ARIH1: variants seen among roughly 807,000 people sequenced by gnomAD.
ARIH1 encodes E3 ubiquitin-protein ligase ARIH1.
Under a neutral mutation model 85.0 loss-of-function variants are expected in ARIH1, and 8 were observed. The ratio of observed to expected loss-of-function variants is 0.09; its 90% CI spans 0.06 to 0.17. The LOEUF (loss-of-function observed/expected upper bound fraction) is 0.17. Among genes scored for constraint, ARIH1 ranks in the 10% least tolerant of loss-of-function variants. ARIH1 has a pLI of 1.00. For missense variants in ARIH1, 311 were observed against 718.1 expected (o/e 0.43, Z 6.48); for synonymous variants, 238 against 253.6 (o/e 0.94, Z 0.59).
At chr15:72,565,046 AGACCC>A (rs1490781709) in intron 7 of ARIH1, among the ~76,000 whole-genome samples, 7 of 152,068 alleles carry the variant, frequency 4.6e-5, no homozygotes, top group Admixed American at 2.6e-4. Flanking sequence ...AAGGGGCTCT[AGACCC>A]AGCAAATAGA....
chr15:72,570,047 T>C, intron 9 of ARIH1, 130 bp from the exon 10 acceptor site: 8 of 994,542 alleles, frequency 8.0e-6, no homozygotes, highest in Non-Finnish European at 1.0e-5. Context: ...CTGTTCTAAG[T>C]GCTTTATATG....
At chr15:72,555,433 G>T (rs771214192) in intron 4 of ARIH1, 70 bp downstream of exon 4, 36 of 1,124,556 alleles carry the variant, frequency 3.2e-5, no homozygotes, top group Non-Finnish European at 4.6e-5. Flanking sequence ...GCACAAATTT[G>T]CACAAATAAA....
rs1184696085 is a variant in ARIH1, at chr15:72,590,742, C to T, written c.*7450C>T. ...GGACTATAGGTGCATGCCACCATGC[C>T]CAGCTGACAATGGCTTTATATACAT... On this transcript the variant is annotated 3_prime_UTR_variant, in exon 14 of 14. Transcript: ENST00000379887. 1 of 152,122 alleles carries T rather than the reference C, an allele frequency of 6.6e-6. No individual in the cohort carries two copies. Among genetic ancestry groups the T allele is most frequent in the Non-Finnish European group, 1.5e-5 (1 of 68,058 alleles). 9.4% of individuals were successfully genotyped at this position (152,122 alleles called of 1,614,324 possible).
chr15:72,479,701 C>A (rs1358647735), intron 1 of ARIH1, among the ~76,000 whole-genome samples: 1 of 151,962 alleles, frequency 6.6e-6, no homozygotes, highest in African/African-American at 2.4e-5. Context: ...CCACCGTGCC[C>A]AGCCAAATAA....
chr15:72,529,604 A>C (rs1214163047), intron 2 of ARIH1, among the ~76,000 whole-genome samples: 1 of 152,216 alleles, frequency 6.6e-6, no homozygotes, highest in East Asian at 1.9e-4. Context: ...CCACCATGGT[A>C]CGTAGAGATA....
At chr15:72,524,728 A>G (rs944977393) in intron 2 of ARIH1, among the ~76,000 whole-genome samples, 8 of 152,244 alleles carry the variant, frequency 5.3e-5, no homozygotes, top group Non-Finnish European at 1.2e-4. Context: ...ATTATCTCCA[A>G]ACATTGAAAA....
chr15:72,580,588 C>T, intron 11 of ARIH1, 143 bp from the exon 12 acceptor site: 1 of 771,842 alleles, frequency 1.3e-6, no homozygotes, highest in Non-Finnish European at 2.0e-6. Flanking sequence ...TTATCTTTGC[C>T]AAGACTTATC....
At chr15:72,490,770 A>G (rs1451052348) in intron 1 of ARIH1, among the ~76,000 whole-genome samples, 1 of 152,122 alleles carries the variant, frequency 6.6e-6, no homozygotes, top group Non-Finnish European at 1.5e-5. Context: ...TAGGAAACTT[A>G]AAAGGAACCT....
At chr15:72,537,685 A>G (rs2064088812) in intron 2 of ARIH1, among the ~76,000 whole-genome samples, 1 of 152,202 alleles carries the variant, frequency 6.6e-6, no homozygotes, top group East Asian at 1.9e-4. Flanking sequence ...AAATTACATC[A>G]TTAACAGGTT....
chr15:72,573,184 A>G (rs1364091770), intron 11 of ARIH1, among the ~76,000 whole-genome samples: 1 of 152,246 alleles, frequency 6.6e-6, no homozygotes, highest in Non-Finnish European at 1.5e-5. Flanking sequence ...TAATAAAAAT[A>G]TCATATATAG....
chr15:72,557,375 G>C (rs1016251350), intron 5 of ARIH1, among the ~76,000 whole-genome samples: 3 of 152,024 alleles, frequency 2.0e-5, no homozygotes, highest in Admixed American at 2.0e-4. Flanking sequence ...TGACAAAGCA[G>C]CCTGCTCATT....
chr15:72,577,168 A>G (rs539840056), intron 11 of ARIH1, among the ~76,000 whole-genome samples: 126 of 151,682 alleles, frequency 8.3e-4, no homozygotes, highest in African/African-American at 2.9e-3. Flanking sequence ...TATTTTTAGT[A>G]GAGACGGGAT....
chr15:72,535,784 A>T (rs1289169515), intron 2 of ARIH1, among the ~76,000 whole-genome samples: 2 of 150,166 alleles, frequency 1.3e-5, no homozygotes, highest in African/African-American at 4.9e-5. Context: ...ATTTCCTTTA[A>T]TGCACGTATT....
chr15:72,563,422 C>T lies in ARIH1; in HGVS notation c.833C>T (p.Ala278Val). Residue 278 changes from alanine (A) to valine (V), a missense_variant, in exon 7 of 14, where the codon GCC becomes GTC. Around this residue, in one of 3 missense-constraint regions of ARIH1, gnomAD observed 104 missense variants for 221.4 expected, o/e 0.47. Transcript: ENST00000379887. ...ECNRLLKWCP[A>V]PDCHHVVKVQ... ...AATCGACTGTTAAAGTGGTGTCCTG[C>T]CCCAGATTGCCACCATGTTGTTAAA... is the stretch of plus-strand genomic sequence containing the variant. 6.2e-7 allele frequency: 1 copy of T among 1,613,924 alleles called. No individual in the cohort carries two copies. Among genetic ancestry groups the T allele is most frequent in the Non-Finnish European group, 8.5e-7 (1 of 1,179,914 alleles).
chr15:72,567,309 T>A, intron 9 of ARIH1, 132 bp downstream of exon 9: 1 of 679,168 alleles, frequency 1.5e-6, no homozygotes, highest in Non-Finnish European at 2.4e-6. Flanking sequence ...CTTTTTTTTT[T>A]TTTCCCAGAA....
chr15:72,483,281 A>C (rs535832203), intron 1 of ARIH1, among the ~76,000 whole-genome samples: 2 of 152,270 alleles, frequency 1.3e-5, no homozygotes, highest in South Asian at 4.1e-4. Flanking sequence ...GTTCCTTGCC[A>C]TGTGGGCCTC....
chr15:72,482,466 G>A (rs965558321), intron 1 of ARIH1, among the ~76,000 whole-genome samples: 1 of 152,144 alleles, frequency 6.6e-6, no homozygotes, highest in African/African-American at 2.4e-5. Context: ...TAAAAAAGAG[G>A]AAGTCATTCT....
At chr15:72,550,105 ATTT>A (rs1475994466) in intron 3 of ARIH1, among the ~76,000 whole-genome samples, 3 of 152,066 alleles carry the variant, frequency 2.0e-5, no homozygotes, top group Non-Finnish European at 4.4e-5. Flanking sequence ...TGGTGTTTTT[ATTT>A]TTTTGCTCTA....
intron 12 of ARIH1, 146 bp downstream of exon 12, chr15:72,581,137 ATTTC>A: frequency 6.7e-6 from 6 of 897,570 alleles, no homozygotes; most frequent in Non-Finnish European, 9.8e-6. Flanking sequence ...GATACAAGAA[ATTTC>A]TATTTCTTGT....
Sources: gnomAD v4.1 joint callset for allele counts (sites outside exome capture counted in the v4.1 genomes callset) on GRCh38, gnomAD v4.1.1 for gene constraint, gnomAD v4.1.1 regional missense constraint, MANE v1.5 for transcripts, NCBI Gene and HGNC (gene_info 2026-07-23, HGNC 2026-07-21) for gene names.